The following CACHD1 variants were observed in gnomAD, a reference collection of about 807,000 sequenced individuals.
CACHD1 encodes cache domain containing 1.
CACHD1 carries 71 observed loss-of-function variants against 138.7 expected under a neutral mutation model. That is an observed-to-expected ratio of 0.51 (90% CI 0.42 to 0.62). The LOEUF (loss-of-function observed/expected upper bound fraction) is 0.62, where lower values mean the gene tolerates loss of function less well. CACHD1 is among the 20% of genes least tolerant of loss of function. The pLI, the probability that CACHD1 is intolerant of heterozygous loss-of-function variation, is 0.00. For missense variants in CACHD1, 1,389 were observed against 1,625.3 expected, an observed-to-expected ratio of 0.85 and a Z score of 2.50; for synonymous variants, 578 against 591.5, an observed-to-expected ratio of 0.98 and a Z score of 0.33.
At chr1:64,502,727 G>A (rs886125876) in intron 1 of CACHD1, among the ~76,000 whole-genome samples, 1 of 152,158 alleles carries the variant, frequency 6.6e-6, no homozygotes, top group Non-Finnish European at 1.5e-5. Flanking sequence ...TGAAGTAGGT[G>A]AGGAGAGGTT....
chr1:64,680,826 AC>A (rs1650149514), intron 24 of CACHD1, among the ~76,000 whole-genome samples: 1 of 152,176 alleles, frequency 6.6e-6, no homozygotes, highest in Non-Finnish European at 1.5e-5. Context: ...AGGGATAATC[AC>A]CATGTGCTTC....
At chr1:64,522,732 A>G (rs978896095) in intron 1 of CACHD1, among the ~76,000 whole-genome samples, 3 of 152,234 alleles carry the variant, frequency 2.0e-5, no homozygotes, top group Non-Finnish European at 4.4e-5. Flanking sequence ...ACTTAAAAAA[A>G]AAGTCCTTGA....
At chr1:64,676,610 G>A (rs568440107) in intron 21 of CACHD1, among the ~76,000 whole-genome samples, 1 of 152,260 alleles carries the variant, frequency 6.6e-6, no homozygotes, top group South Asian at 2.1e-4. Context: ...AGCTGGGACT[G>A]CAGGCATGTG....
Position 64,682,856 on chromosome 1 carries a change from A to G in CACHD1, c.3586+750A>G, listed in dbSNP as rs533514414. On this transcript the variant is annotated intron_variant, in intron 26 of 26. Coordinates refer to ENST00000651257, the MANE Select transcript of CACHD1 (RefSeq NM_020925.4). Reference sequence around the variant, plus strand: ...AGCATCACTGCCACAGTTCCACAAAAATATAACAGATGTGGGTAGTGTTTT... The same window carrying G: ...AGCATCACTGCCACAGTTCCACAAAGATATAACAGATGTGGGTAGTGTTTT... 2.0e-5 allele frequency among the ~76,000 whole-genome samples: 3 copies of G among 152,174 alleles called. No individual in the cohort carries two copies. In the East Asian group the frequency reaches 5.8e-4, roughly 29 times the overall value.
rs542459368 is a variant in CACHD1, at chr1:64,643,650, C to T, written c.1156+1681C>T. On this transcript the variant is annotated intron_variant, in intron 8 of 26. Coordinates refer to ENST00000651257, the MANE Select transcript of CACHD1 (RefSeq NM_020925.4). ...AGGAGATCAAGACCATCCTGGCTAA[C>T]ACGGTGAAACCCCATCTCTGCTAAA... 1.1e-4 allele frequency among the ~76,000 whole-genome samples: 17 copies of T among 152,264 alleles called. No individual in the cohort carries two copies. The East Asian group carries it at 1.2e-3, about 10-fold the overall frequency.
intron 16 of CACHD1, among the ~76,000 whole-genome samples, chr1:64,667,270 T>G (rs1388309014): frequency 6.6e-6 from 1 of 152,160 alleles, no homozygotes; most frequent in African/African-American, 2.4e-5. Context: ...GAGGCAGATT[T>G]TCTTGCTTAA....
chr1:64,644,444 G>T (rs1208947639), intron 8 of CACHD1, among the ~76,000 whole-genome samples: 1 of 152,162 alleles, frequency 6.6e-6, no homozygotes, highest in Admixed American at 6.5e-5. Flanking sequence ...CCAAAAGGAA[G>T]GGATCACTTC....
chr1:64,665,593 A>G (rs2100706357), intron 15 of CACHD1, among the ~76,000 whole-genome samples: 1 of 152,380 alleles, frequency 6.6e-6, no homozygotes, highest in Admixed American at 6.5e-5. Context: ...TGTTGATGCT[A>G]CAGTCAGATA....
Position 64,470,974 on chromosome 1 carries a change from G to C in CACHD1, c.198+32G>C. 6.4e-7 allele frequency: 1 copy of C among 1,555,170 alleles called. No individual in the cohort carries two copies. Among genetic ancestry groups the C allele is most frequent in the Non-Finnish European group, 8.7e-7 (1 of 1,148,428 alleles). ...GGCCCCCGAGCTGGCCAGACATCCC[G>C]CCTTTCTCCTTTGCTCAAACTCCCA... On this transcript the variant is annotated intron_variant, in intron 1 of 26. Transcript: ENST00000651257. This position sits in a 1 kb window ranked among gnomAD's most constrained non-coding sequence, Gnocchi z 5.2.
chr1:64,479,208 G>A (rs1294730911), intron 1 of CACHD1, among the ~76,000 whole-genome samples: 1 of 152,228 alleles, frequency 6.6e-6, no homozygotes, highest in Non-Finnish European at 1.5e-5. Context: ...ATATGAGCTT[G>A]TCATCATAAT....
chr1:64,573,583 G>T (rs1646943336), intron 2 of CACHD1, among the ~76,000 whole-genome samples: 1 of 152,136 alleles, frequency 6.6e-6, no homozygotes, highest in Admixed American at 6.5e-5. Context: ...ATGAGTAATA[G>T]TCATAGGTTA....
chr1:64,501,726 G>A (rs543356704), intron 1 of CACHD1, among the ~76,000 whole-genome samples: 30 of 152,284 alleles, frequency 2.0e-4, no homozygotes, highest in Admixed American at 3.9e-4. Flanking sequence ...GCAAGGTGTA[G>A]AAGGATGGCT....
intron 1 of CACHD1, among the ~76,000 whole-genome samples, chr1:64,515,515 C>T (rs1347797385): frequency 6.6e-6 from 1 of 152,174 alleles, no homozygotes; most frequent in Non-Finnish European, 1.5e-5. Flanking sequence ...TTCAAAGTAT[C>T]TCAAAGCATT....
chr1:64,612,840 A>G (rs1255874925), intron 4 of CACHD1, among the ~76,000 whole-genome samples: 5 of 152,156 alleles, frequency 3.3e-5, no homozygotes, highest in Non-Finnish European at 5.9e-5. Flanking sequence ...TCAAGGAGTG[A>G]TTTTTACTTT....
chr1:64,643,710 C>A (rs1194495482), intron 8 of CACHD1, among the ~76,000 whole-genome samples: 1 of 152,120 alleles, frequency 6.6e-6, no homozygotes, highest in East Asian at 1.9e-4. Context: ...TGGTGGCGGG[C>A]ACCTGTAGTC....
At chr1:64,586,210 C>T (rs1035777601) in intron 3 of CACHD1, among the ~76,000 whole-genome samples, 2 of 152,238 alleles carry the variant, frequency 1.3e-5, no homozygotes, top group African/African-American at 2.4e-5. Context: ...ACTACAGGGG[C>T]GTGCCACCAC....
At chr1:64,573,959 C>T (rs1436203053) in intron 2 of CACHD1, among the ~76,000 whole-genome samples, 1 of 152,164 alleles carries the variant, frequency 6.6e-6, no homozygotes, top group African/African-American at 2.4e-5. Context: ...TAAACAGGGT[C>T]TTCAAATGAG....
chr1:64,627,054 G>A (rs1431597131), intron 4 of CACHD1, among the ~76,000 whole-genome samples: 3 of 152,012 alleles, frequency 2.0e-5, no homozygotes, highest in African/African-American at 7.3e-5. Flanking sequence ...AATAATAGTG[G>A]ATATAAATAC....
chr1:64,477,760 G>A (rs1234743266), intron 1 of CACHD1, among the ~76,000 whole-genome samples: 1 of 150,646 alleles, frequency 6.6e-6, no homozygotes, highest in African/African-American at 2.4e-5. Context: ...TCAGCCTCCC[G>A]AGTAGCTGGG....
Sources: allele counts gnomAD v4.1 joint callset (sites outside exome capture counted in the v4.1 genomes callset), GRCh38; gene constraint gnomAD v4.1.1; non-coding constraint Gnocchi (gnomAD v3.1); transcripts MANE v1.5; gene names NCBI Gene and HGNC (gene_info 2026-07-23, HGNC 2026-07-21).